Variants in DMD observed in about 807,000 individuals in gnomAD.
The protein encoded by DMD is dystrophin, also known as mutant dystrophin.
DMD carries 63 observed loss-of-function variants against 330.1 expected under a neutral mutation model. That is an observed-to-expected ratio of 0.19 (90% CI 0.16 to 0.24). The LOEUF (loss-of-function observed/expected upper bound fraction) is 0.24, where lower values mean the gene tolerates loss of function less well. Among genes scored for constraint, DMD ranks in the 10% least tolerant of loss-of-function variants. The pLI is 1.00. For missense variants in DMD, 3,344 were observed against 2,684.1 expected, an observed-to-expected ratio of 1.25 and a Z score of -5.43; for synonymous variants, 1,223 against 959.8, an observed-to-expected ratio of 1.27 and a Z score of -5.07.
At chrX:31,308,084 G>A (rs993403308) in intron 62 of DMD, among the ~76,000 whole-genome samples, 2 of 111,612 alleles carry the variant, frequency 1.8e-5, no homozygotes, top group Non-Finnish European at 3.8e-5. Context: ...CGACTGATCT[G>A]ACAGGAGGCA....
chrX:31,326,520 A>G (rs2056795933), intron 61 of DMD, among the ~76,000 whole-genome samples: 1 of 106,551 alleles, frequency 9.4e-6, no homozygotes, highest in African/African-American at 3.4e-5. Flanking sequence ...TTATAAATTC[A>G]CCTAAGCAAC....
At chrX:33,096,068 G>A (rs7049307) in intron 1 of DMD, among the ~76,000 whole-genome samples, 48,783 of 101,138 alleles carry the variant, frequency 0.48, 9,616 homozygotes, top group Admixed American at 0.6. Flanking sequence ...TCCGCCTCTT[G>A]GGCTCACGCC....
chrX:31,261,326 C>A, intron 62 of DMD: 1 of 270,476 alleles, frequency 3.7e-6, no homozygotes, highest in South Asian at 4.6e-5. Flanking sequence ...GATCAATAAT[C>A]GACTATCAGG....
chrX:32,679,405 A>G (rs1429683797), intron 9 of DMD, among the ~76,000 whole-genome samples: 1 of 111,483 alleles, frequency 9.0e-6, no homozygotes, highest in Non-Finnish European at 1.9e-5. Context: ...TATGCAATTC[A>G]GATTTAGTAA....
chrX:32,767,393 TAGA>T (rs993815186), intron 7 of DMD, among the ~76,000 whole-genome samples: 6 of 111,901 alleles, frequency 5.4e-5, no homozygotes, highest in Admixed American at 3.8e-4. Flanking sequence ...TTCCGTGTTA[TAGA>T]AGATCATACT....
intron 74 of DMD, among the ~76,000 whole-genome samples, chrX:31,159,374 A>G (rs1267791785): frequency 2.7e-5 from 3 of 112,112 alleles, no homozygotes; most frequent in Non-Finnish European, 5.6e-5. Context: ...TGTAGTTACA[A>G]CAGACAGACT....
chrX:32,598,552 A>C, intron 12 of DMD, among the ~76,000 whole-genome samples: 1 of 112,145 alleles, frequency 8.9e-6, no homozygotes, highest in Non-Finnish European at 1.9e-5. Flanking sequence ...ACAAGTAAAT[A>C]ATGCCAGTTT....
chrX:32,050,071 T>TAGTATAAACAATTAG (rs2096096611), intron 44 of DMD, among the ~76,000 whole-genome samples: 1 of 111,875 alleles, frequency 8.9e-6, no homozygotes, highest in African/African-American at 3.2e-5. Context: ...TATTTTTAAT[T>TAGTATAAACAATTAG]AAAATCAGTA....
intron 1 of DMD, among the ~76,000 whole-genome samples, chrX:33,109,342 A>G (rs2095321400): frequency 8.9e-6 from 1 of 111,899 alleles, no homozygotes; most frequent in Non-Finnish European, 1.9e-5. Context: ...AAATTGTCTT[A>G]ATCTAGAACA....
intron 17 of DMD, among the ~76,000 whole-genome samples, chrX:32,533,411 G>C (rs965634374): frequency 8.9e-6 from 1 of 111,772 alleles, no homozygotes; most frequent in African/African-American, 3.3e-5. Flanking sequence ...TTCGCATACA[G>C]GCTTTCCCCT....
At chrX:31,300,292 A>G (rs2054547512) in intron 62 of DMD, among the ~76,000 whole-genome samples, 1 of 112,383 alleles carries the variant, frequency 8.9e-6, no homozygotes, top group African/African-American at 3.2e-5. Context: ...CTTCCTACAG[A>G]AGTTCCAAAC....
At chrX:32,951,604 GA>G (rs2091251539) in intron 2 of DMD, among the ~76,000 whole-genome samples, 1 of 111,139 alleles carries the variant, frequency 9.0e-6, no homozygotes, top group African/African-American at 3.3e-5. Context: ...TCTCCTTTCT[GA>G]AACCTTTCCC....
At chrX:31,894,007 T>A (rs2094296132) in intron 47 of DMD, among the ~76,000 whole-genome samples, 1 of 111,600 alleles carries the variant, frequency 9.0e-6, no homozygotes, top group Admixed American at 9.5e-5. Context: ...AAAGACTGTG[T>A]CTGCCTGACA....
chrX:32,030,403 C>A (rs182429950), intron 44 of DMD, among the ~76,000 whole-genome samples: 1 of 112,255 alleles, frequency 8.9e-6, no homozygotes, highest in East Asian at 2.8e-4. Context: ...AATTCTCTTA[C>A]ATGTCTGCCT....
intron 59 of DMD, among the ~76,000 whole-genome samples, chrX:31,476,412 T>TACAC (rs1333747446): frequency 8.2e-5 from 8 of 97,808 alleles, no homozygotes; most frequent in East Asian, 7.3e-4. Context: ...TATATATATA[T>TACAC]ATATATATAC....
At chrX:31,461,592 T>G (rs1403176572) in intron 59 of DMD, among the ~76,000 whole-genome samples, 1 of 111,968 alleles carries the variant, frequency 8.9e-6, no homozygotes, top group Non-Finnish European at 1.9e-5. Context: ...GTGATCACTT[T>G]CTTAGACTTT....
At position 32,464,706 on chromosome X, in the gene DMD, C is replaced by T. The variant is rs745663846; in HGVS notation, c.3163-7G>A. 5.3e-6 allele frequency: 6 copies of T among 1,138,460 alleles called. No individual in the cohort carries two copies. Among genetic ancestry groups the T allele is most frequent in the East Asian group, 3.0e-5 (1 of 33,471 alleles). The allele number at this position is 1,138,460 out of a possible 1,213,427, so 93.8% of individuals were successfully genotyped here. A position where few individuals can be genotyped will look rare whatever the true frequency, so the allele number is the denominator to read the frequency against. ...TCAGGGTTTGTATGTGATTCTGAAA[C>T]GAGACCCGTTATAAGGCATTACTGG... On this transcript the variant is annotated splice_polypyrimidine_tract_variant and splice_region_variant and intron_variant, in intron 23 of 78. Coordinates refer to ENST00000357033, the MANE Select transcript of DMD (RefSeq NM_004006.3).
chrX:31,266,060 G>C (rs1210446681), intron 62 of DMD, among the ~76,000 whole-genome samples: 1 of 104,944 alleles, frequency 9.5e-6, no homozygotes, highest in Non-Finnish European at 1.9e-5. Context: ...TTGCCGTGCT[G>C]GGATTGGGAG....
chrX:31,943,273 T>C (rs918923420), intron 45 of DMD, among the ~76,000 whole-genome samples: 6 of 112,049 alleles, frequency 5.4e-5, no homozygotes, highest in Non-Finnish European at 1.1e-4. Context: ...GATACGAGAG[T>C]TCTGATATAA....
Sources: allele counts gnomAD v4.1 joint callset (sites outside exome capture counted in the v4.1 genomes callset), GRCh38; gene constraint gnomAD v4.1.1; transcripts MANE v1.5; gene names NCBI Gene and HGNC (gene_info 2026-07-23, HGNC 2026-07-21).